The following PRKAG2 variants were observed in gnomAD, a reference collection of about 807,000 sequenced individuals.
The protein encoded by PRKAG2 is 5'-AMP-activated protein kinase subunit gamma-2.
In PRKAG2, 26 loss-of-function variants were observed where a neutral mutation model predicts 69.6. That is an observed-to-expected ratio of 0.37 (90% confidence interval 0.27 to 0.52). The LOEUF is 0.52. Among genes scored for constraint, PRKAG2 ranks in the 20% least tolerant of loss-of-function variants. The pLI, the probability that PRKAG2 is intolerant of heterozygous loss-of-function variation, is 0.90. For missense variants in PRKAG2, 557 were observed against 740.0 expected, an observed-to-expected ratio of 0.75 and a Z score of 2.87; for synonymous variants, 293 against 285.0, an observed-to-expected ratio of 1.03 and a Z score of -0.28.
intron 4 of PRKAG2, among the ~76,000 whole-genome samples, chr7:151,665,609 A>C (rs944086281): frequency 2.0e-5 from 3 of 152,188 alleles, no homozygotes; most frequent in Non-Finnish European, 2.9e-5. Flanking sequence ...GCTGAGAATC[A>C]GTTCTCTCTG....
chr7:151,775,538 T>C (rs868153058), intron 3 of PRKAG2, among the ~76,000 whole-genome samples: 6 of 152,166 alleles, frequency 3.9e-5, no homozygotes, highest in African/African-American at 1.4e-4. Flanking sequence ...CGTGTGAATA[T>C]AAAAGAAGAG....
chr7:151,723,197 C>G lies in PRKAG2; in HGVS notation c.467-47560G>C, dbSNP rs544128986. Among the ~76,000 whole-genome samples, 28 of 152,210 alleles carry G rather than the reference C, an allele frequency of 1.8e-4. 1 individual carries two copies. The highest frequency in any genetic ancestry group is 6.5e-4 in the African/African-American group (27 of 41,530). The stretch of plus-strand genomic sequence containing the variant: ...TACCCTTTCCCTAATGCCCAGTTGC[C>G]CTGGTAAAAGCCATAAGTCCCTTTG... On this transcript the variant is annotated intron_variant, in intron 3 of 15. Transcript: ENST00000287878.
At chr7:151,639,498 G>A (rs1398478655) in intron 4 of PRKAG2, among the ~76,000 whole-genome samples, 1 of 152,172 alleles carries the variant, frequency 6.6e-6, no homozygotes, top group African/African-American at 2.4e-5. Flanking sequence ...GACTGAGTGG[G>A]GAAGATCTGC....
chr7:151,556,979 C>T lies in PRKAG2; in HGVS notation c.*222G>A. ...TTTAATGACATACAGCATTTAAAATCCTTCAGACAAAGGTCTGAAAACAGT... is the reference window on the plus strand; with the variant it reads ...TTTAATGACATACAGCATTTAAAATTCTTCAGACAAAGGTCTGAAAACAGT... On this transcript the variant is annotated 3_prime_UTR_variant, in exon 16 of 16. Transcript: ENST00000287878. 3.1e-6 allele frequency: 2 copies of T among 639,342 alleles called. No individual in the cohort carries two copies. Among genetic ancestry groups the T allele is most frequent in the Non-Finnish European group, 5.3e-6 (2 of 380,164 alleles). The allele number at this position is 639,342 out of a possible 1,614,324, so 39.6% of individuals were successfully genotyped here.
intron 5 of PRKAG2, among the ~76,000 whole-genome samples, chr7:151,602,715 T>C (rs1427540444): frequency 6.6e-5 from 10 of 152,208 alleles, no homozygotes; most frequent in Admixed American, 6.5e-4. Context: ...TCATCTTGAA[T>C]TGTAGTTCCC....
intron 1 of PRKAG2, among the ~76,000 whole-genome samples, chr7:151,822,330 G>A (rs925786124): frequency 3.9e-5 from 6 of 152,130 alleles, no homozygotes. Flanking sequence ...CTGTCAGCAG[G>A]CCAGGGTCAA....
intron 5 of PRKAG2, among the ~76,000 whole-genome samples, chr7:151,598,083 T>A (rs1815077498): frequency 6.6e-6 from 1 of 152,050 alleles, no homozygotes; most frequent in South Asian, 2.1e-4. Flanking sequence ...GATGAATGGA[T>A]AAAGAAACGT....
chr7:151,602,442 A>C (rs1450833245), intron 5 of PRKAG2, among the ~76,000 whole-genome samples: 2 of 152,228 alleles, frequency 1.3e-5, no homozygotes, highest in East Asian at 3.8e-4. Context: ...AATAATTGAA[A>C]ATAATATAGG....
chr7:151,832,067 G>A (rs1027052629), intron 1 of PRKAG2, among the ~76,000 whole-genome samples: 7 of 152,162 alleles, frequency 4.6e-5, no homozygotes, highest in Admixed American at 6.5e-5. Flanking sequence ...GTCTGGACTA[G>A]AAGGGTACAG....
intron 6 of PRKAG2, among the ~76,000 whole-genome samples, chr7:151,594,899 A>G (rs1277515745): frequency 6.6e-6 from 1 of 152,080 alleles, no homozygotes; most frequent in African/African-American, 2.4e-5. Flanking sequence ...CCTGGGTTCA[A>G]GCGACTCTCC....
Position 151,755,894 on chromosome 7 carries a change from G to A in PRKAG2, c.466+25258C>T, listed in dbSNP as rs533900843. Reference sequence around the variant, plus strand: ...AAGCAACTCACTTTAGCAGTTGCTCGTGTTCTTTGGTATTAATGATATAAA... The same window carrying A: ...AAGCAACTCACTTTAGCAGTTGCTCATGTTCTTTGGTATTAATGATATAAA... On this transcript the variant is annotated intron_variant, in intron 3 of 15. Transcript: ENST00000287878. 3.7e-4 allele frequency among the ~76,000 whole-genome samples: 57 copies of A among 152,322 alleles called. No homozygotes were observed. The Middle Eastern group carries it at 0.01, about 27-fold the overall frequency.
chr7:151,565,003 C>T (rs1292822069), intron 13 of PRKAG2, among the ~76,000 whole-genome samples: 1 of 152,124 alleles, frequency 6.6e-6, no homozygotes, highest in Non-Finnish European at 1.5e-5. Flanking sequence ...AGCCATGAGT[C>T]CACGTGTGCA....
chr7:151,788,506 T>C lies in PRKAG2; in HGVS notation c.115-1965A>G, dbSNP rs2077121375. 6.6e-6 allele frequency among the ~76,000 whole-genome samples: 1 copy of C among 152,244 alleles called. No homozygotes were observed. The highest frequency in any genetic ancestry group is 1.5e-5 in the Non-Finnish European group (1 of 68,040). On this transcript the variant is annotated intron_variant, in intron 1 of 15. Coordinates refer to ENST00000287878, the MANE Select transcript of PRKAG2 (RefSeq NM_016203.4). The surrounding 1 kb of genome is among the most constrained non-coding windows in gnomAD (Gnocchi z 4.6). ...TTGGAGAAATGTCTATTCAACTCCT[T>C]TGCCCATTTTTTAATTGGGTTGATT...
chr7:151,579,165 C>G (rs1392471128), intron 6 of PRKAG2, among the ~76,000 whole-genome samples: 1 of 152,186 alleles, frequency 6.6e-6, no homozygotes, highest in Non-Finnish European at 1.5e-5. Context: ...GCTGGGACCA[C>G]AGGCACATGC....
chr7:151,825,027 C>T (rs1293838536), intron 1 of PRKAG2, among the ~76,000 whole-genome samples: 7 of 148,576 alleles, frequency 4.7e-5, no homozygotes, highest in Admixed American at 1.4e-4. Flanking sequence ...GCCTGGCCAA[C>T]ATGGTGAAAC....
chr7:151,841,382 T>C (rs1392442583), intron 1 of PRKAG2, among the ~76,000 whole-genome samples: 1 of 149,850 alleles, frequency 6.7e-6, no homozygotes, highest in East Asian at 2.0e-4. Flanking sequence ...TGGTAGGTAA[T>C]GATGGTAGTG....
At chr7:151,656,532 GGCAACAGA>G (rs1434864178) in intron 4 of PRKAG2, among the ~76,000 whole-genome samples, 1 of 152,110 alleles carries the variant, frequency 6.6e-6, no homozygotes, top group Non-Finnish European at 1.5e-5. Context: ...CTCAAGCCTG[GGCAACAGA>G]GCAAGACTGC....
intron 5 of PRKAG2, among the ~76,000 whole-genome samples, chr7:151,629,559 T>C (rs1184621251): frequency 6.6e-6 from 1 of 152,226 alleles, no homozygotes; most frequent in South Asian, 2.1e-4. Flanking sequence ...TGGCAGCTCC[T>C]GTCATAACCC....
chr7:151,577,990 A>AT (rs1281377737), intron 6 of PRKAG2, among the ~76,000 whole-genome samples: 46 of 144,824 alleles, frequency 3.2e-4, no homozygotes, highest in African/African-American at 1.2e-3. Flanking sequence ...TGGTATGGTT[A>AT]TGTTTTTTTT....
Sources: gnomAD v4.1 joint callset for allele counts (sites outside exome capture counted in the v4.1 genomes callset) on GRCh38, gnomAD v4.1.1 for gene constraint, Gnocchi (gnomAD v3.1) non-coding constraint, MANE v1.5 for transcripts, NCBI Gene and HGNC (gene_info 2026-07-23, HGNC 2026-07-21) for gene names.